The following ZWILCH variants were observed in gnomAD, a reference collection of about 807,000 sequenced individuals.
ZWILCH encodes the protein protein zwilch homolog.
ZWILCH carries 74 observed loss-of-function variants against 79.9 expected under a neutral mutation model. The ratio of observed to expected loss-of-function variants is 0.93; its 90% CI spans 0.77 to 1.12. The LOEUF (loss-of-function observed/expected upper bound fraction) is 1.12, where lower values mean the gene tolerates loss of function less well. ZWILCH is among the 50% of genes most tolerant of loss of function. The probability of loss-of-function intolerance (pLI) is 0.00; values close to 1 mark genes in which losing one functional copy is unlikely to be tolerated. For missense variants in ZWILCH, 694 were observed against 687.5 expected (o/e 1.01, Z -0.11); for synonymous variants, 241 against 228.2 (o/e 1.06, Z -0.51).
chr15:66,524,894 C>T (rs1028015635), intron 8 of ZWILCH, among the ~76,000 whole-genome samples: 1 of 152,144 alleles, frequency 6.6e-6, no homozygotes, highest in African/African-American at 2.4e-5. Flanking sequence ...CACATCTCTG[C>T]CCTTCTCTCT....
chr15:66,533,754 A>T (rs1235788687), intron 14 of ZWILCH, among the ~76,000 whole-genome samples: 1 of 152,108 alleles, frequency 6.6e-6, no homozygotes, highest in East Asian at 1.9e-4. Flanking sequence ...ACAAACATAC[A>T]TACACACAGT....
chr15:66,526,100 G>A (rs1328636568), intron 8 of ZWILCH, among the ~76,000 whole-genome samples: 1 of 152,058 alleles, frequency 6.6e-6, no homozygotes, highest in African/African-American at 2.4e-5. Context: ...CCCCGGGAGT[G>A]GGAGATGATA....
chr15:66,512,190 A>G (rs1595903839), intron 2 of ZWILCH, among the ~76,000 whole-genome samples: 1 of 152,340 alleles, frequency 6.6e-6, no homozygotes, highest in East Asian at 1.9e-4. Context: ...TTCATGATAT[A>G]AAACTATTAG....
rs562406340 is a variant in ZWILCH at position 66,534,819 on chromosome 15, T to C, written c.1342-1114T>C. On this transcript the variant is annotated intron_variant, in intron 14 of 18. Transcript: ENST00000307897. The stretch of plus-strand genomic sequence containing the variant: ...CATTACTGTACACTATTGTAGACTA[T>C]AAACACTGTATACTTAGGCTACACC... 1.4e-4 allele frequency among the ~76,000 whole-genome samples: 22 copies of C among 152,308 alleles called. No individual in the cohort carries two copies. The South Asian group carries it at 4.4e-3, about 30-fold the overall frequency.
intron 7 of ZWILCH, 59 bp from the exon 8 acceptor site, chr15:66,523,618 C>T: frequency 9.2e-7 from 1 of 1,082,706 alleles, no homozygotes; most frequent in South Asian, 1.3e-5. Flanking sequence ...AAGTATAACA[C>T]TTATGTAGAG....
intron 17 of ZWILCH, among the ~76,000 whole-genome samples, chr15:66,544,898 C>G (rs891866718): frequency 7.9e-5 from 12 of 151,538 alleles, no homozygotes; most frequent in Admixed American, 2.0e-4. Context: ...CGCGTGCCAC[C>G]ACGCCTGGCT....
At chr15:66,511,208 G>A (rs370279779) in intron 2 of ZWILCH, among the ~76,000 whole-genome samples, 4 of 152,120 alleles carry the variant, frequency 2.6e-5, no homozygotes, top group Non-Finnish European at 4.4e-5. Flanking sequence ...TACCTTGGCC[G>A]AGTGTGGTGG....
chr15:66,532,497 C>G, intron 13 of ZWILCH, 94 bp downstream of exon 13: 1 of 1,128,240 alleles, frequency 8.9e-7, no homozygotes, highest in Non-Finnish European at 1.2e-6. Context: ...TGTCCCTCAT[C>G]GTCTGTAGTC....
chr15:66,524,729 T>C (rs866610602), intron 8 of ZWILCH, among the ~76,000 whole-genome samples: 15 of 152,214 alleles, frequency 9.9e-5, no homozygotes, highest in Middle Eastern at 3.2e-3. Context: ...TCTAGCATAG[T>C]ACCAACTATT....
At chr15:66,529,259 G>T (rs77654017) in intron 11 of ZWILCH, among the ~76,000 whole-genome samples, 1,968 of 151,806 alleles carry the variant, frequency 0.013, 35 homozygotes, top group African/African-American at 0.045. Context: ...AAAAGGAAAA[G>T]ATATTCTTTA....
chr15:66,544,724 T>TTTTTTTTTGTGTG (rs145952622), intron 17 of ZWILCH, among the ~76,000 whole-genome samples: 1 of 128,544 alleles, frequency 7.8e-6, no homozygotes, highest in South Asian at 2.7e-4. Context: ...TTTTTGGTTT[T>TTTTTTTTTGTGTG]TGTGTGTGTG....
chr15:66,534,640 A>G (rs1017647142), intron 14 of ZWILCH, among the ~76,000 whole-genome samples: 20 of 152,222 alleles, frequency 1.3e-4, no homozygotes, highest in African/African-American at 4.8e-4. Flanking sequence ...GTATTTGTGT[A>G]TCTAAACATA....
In ZWILCH at chr15:66,521,254, T is replaced by C. The variant is rs372584580; in HGVS notation, c.747+49T>C. 13 of 1,589,568 alleles carry C rather than the reference T, an allele frequency of 8.2e-6. No homozygotes were observed. The African/African-American group carries it at 1.3e-4, about 16-fold the overall frequency. ...TTCGGGTTCATGAGACTCCTAAATG[T>C]TGGCTTACTTGGTTGTTGCTGGTGC... is the stretch of plus-strand genomic sequence containing the variant. On this transcript the variant is annotated intron_variant, in intron 7 of 18. Coordinates refer to ENST00000307897, the MANE Select transcript of ZWILCH (RefSeq NM_017975.5).
chr15:66,505,772 T>A, intron 1 of ZWILCH: 1 of 266,218 alleles, frequency 3.8e-6, no homozygotes, highest in Non-Finnish European at 7.2e-6. Context: ...GTGGTGTTAG[T>A]CTGTTAATCT....
chr15:66,523,400 AG>A (rs1894569937), intron 7 of ZWILCH: 4 of 282,976 alleles, frequency 1.4e-5, no homozygotes, highest in South Asian at 1.4e-4. Flanking sequence ...GGGAAAAGGC[AG>A]GGGAGTGTGT....
intron 2 of ZWILCH, among the ~76,000 whole-genome samples, chr15:66,510,615 C>A (rs1894023450): frequency 6.6e-6 from 1 of 152,108 alleles, no homozygotes; most frequent in African/African-American, 2.4e-5. Context: ...GCTGCTATAG[C>A]AAAATACTGC....
chr15:66,509,450 T>C (rs1371883599), intron 2 of ZWILCH, among the ~76,000 whole-genome samples: 2 of 152,148 alleles, frequency 1.3e-5, no homozygotes, highest in East Asian at 3.9e-4. Context: ...CTGGCTTCTT[T>C]CAATTAGTAT....
intron 17 of ZWILCH, among the ~76,000 whole-genome samples, chr15:66,546,021 G>A (rs1018056727): frequency 1.3e-5 from 2 of 152,172 alleles, no homozygotes; most frequent in African/African-American, 4.8e-5. Flanking sequence ...ATGATTTGGA[G>A]TTAATGGAGG....
In ZWILCH at chr15:66,509,864, TATATATCTCTTAAAAATCA is replaced by T. The variant is rs1362843305; in HGVS notation, c.105+975_105+993del. On this transcript the variant is annotated intron_variant, in intron 2 of 18. Transcript: ENST00000307897. ...ATATATATATATATATATATATATA[TATATATCTCTTAAAAATCA>T]ATGAGGAAGATGGCTGGGCACGATG... Among the ~76,000 whole-genome samples the T allele has an allele frequency of 1.4e-3, 138 of 98,872 alleles. 3 individuals are homozygous for T. Among genetic ancestry groups the T allele is most frequent in the African/African-American group, 4.7e-3 (132 of 27,810 alleles). 64.9% of individuals were successfully genotyped at this position (98,872 alleles called of 152,430 possible). A position where few individuals can be genotyped will look rare whatever the true frequency, so the allele number is the denominator to read the frequency against.
Sources: gnomAD v4.1 joint callset for allele counts (sites outside exome capture counted in the v4.1 genomes callset) on GRCh38, gnomAD v4.1.1 for gene constraint, MANE v1.5 for transcripts, NCBI Gene and HGNC (gene_info 2026-07-23, HGNC 2026-07-21) for gene names.